The following IKZF2 variants were observed in gnomAD, a reference collection of about 807,000 sequenced individuals.
The protein encoded by IKZF2 is IKAROS family zinc finger 2.
Under a neutral mutation model 49.2 loss-of-function variants are expected in IKZF2, and 15 were observed. The ratio of observed to expected loss-of-function variants is 0.30; its 90% CI spans 0.20 to 0.47. IKZF2 has a LOEUF of 0.47. Among genes scored for constraint, IKZF2 ranks in the 20% least tolerant of loss-of-function variants. The pLI is 1.00. For missense variants in IKZF2, 567 were observed against 664.6 expected, an observed-to-expected ratio of 0.85 and a Z score of 1.61; for synonymous variants, 227 against 221.4, an observed-to-expected ratio of 1.03 and a Z score of -0.23.
chr2:213,044,100 G>A lies in IKZF2; in HGVS notation c.574+5613C>T, dbSNP rs962334228. On this transcript the variant is annotated intron_variant, in intron 6 of 8. Transcript: ENST00000434687. ...AGGCACCAGTAAGAGACTGAAGGGT[G>A]GAAAGAGTGAGGTCAGGGTGTTTAT... Among the ~76,000 whole-genome samples the A allele has an allele frequency of 2.6e-5, 4 of 152,254 alleles. No homozygotes were observed. In the South Asian group the frequency reaches 8.3e-4, roughly 32 times the overall value.
At chr2:213,023,252 G>A (rs1472768897) in intron 6 of IKZF2, among the ~76,000 whole-genome samples, 1 of 152,118 alleles carries the variant, frequency 6.6e-6, no homozygotes, top group African/African-American at 2.4e-5. Context: ...CTATGACACT[G>A]GTCACAAGAG....
chr2:213,132,391 C>G (rs1486451194), intron 4 of IKZF2, among the ~76,000 whole-genome samples: 1 of 151,726 alleles, frequency 6.6e-6, no homozygotes, highest in Non-Finnish European at 1.5e-5. Context: ...AACTCTGACC[C>G]AAAAAAGGTG....
chr2:213,052,694 T>G (rs537065901), intron 5 of IKZF2, among the ~76,000 whole-genome samples: 3 of 152,176 alleles, frequency 2.0e-5, no homozygotes, highest in Admixed American at 2.0e-4. Flanking sequence ...ATAGTTATAT[T>G]CCAGGAATAA....
intron 8 of IKZF2, 82 bp from the exon 9 acceptor site, chr2:213,008,166 G>T (rs1695557374): frequency 2.8e-6 from 4 of 1,419,388 alleles, no homozygotes; most frequent in Non-Finnish European, 3.7e-6. Context: ...ATATGAAAGG[G>T]TACGAAGTTG....
chr2:213,096,059 C>G (rs1705941095), intron 4 of IKZF2, among the ~76,000 whole-genome samples: 1 of 151,756 alleles, frequency 6.6e-6, no homozygotes, highest in African/African-American at 2.4e-5. Flanking sequence ...CCAAAAGAGC[C>G]TAGAAGAGGT....
chr2:213,002,584 T>A lies in IKZF2; in HGVS notation c.*4776A>T, dbSNP rs1695000884. The stretch of plus-strand genomic sequence containing the variant: ...CTCATTTTTTTAAAAAGCTGTCATA[T>A]CCTAACACACCCATTGCAAGTAATA... On this transcript the variant is annotated 3_prime_UTR_variant, in exon 9 of 9. Coordinates refer to ENST00000434687, the MANE Select transcript of IKZF2 (RefSeq NM_001387220.1). 1 of 151,892 alleles carries A rather than the reference T, an allele frequency of 6.6e-6. No individual in the cohort carries two copies. Among genetic ancestry groups the A allele is most frequent in the Non-Finnish European group, 1.5e-5 (1 of 67,580 alleles). The allele number at this position is 151,892 out of a possible 1,614,324, so 9.4% of individuals were successfully genotyped here. A position where few individuals can be genotyped will look rare whatever the true frequency, so the allele number is the denominator to read the frequency against.
At chr2:213,082,104 T>A (rs1479314904) in intron 4 of IKZF2, among the ~76,000 whole-genome samples, 2 of 152,194 alleles carry the variant, frequency 1.3e-5, no homozygotes, top group Non-Finnish European at 2.9e-5. Flanking sequence ...AGTGATGAAA[T>A]ATCTAGGATT....
At chr2:213,052,954 A>G (rs1400276170) in intron 5 of IKZF2, among the ~76,000 whole-genome samples, 1 of 152,160 alleles carries the variant, frequency 6.6e-6, no homozygotes, top group East Asian at 1.9e-4. Context: ...TGAAACTTTA[A>G]AACAACATAT....
chr2:213,106,828 T>C (rs1036470724), intron 4 of IKZF2, among the ~76,000 whole-genome samples: 5 of 152,086 alleles, frequency 3.3e-5, no homozygotes, highest in African/African-American at 1.2e-4. Context: ...CATTAAGTAA[T>C]ACATATATTT....
In IKZF2 at chr2:213,007,318, C is replaced by T; in HGVS notation, c.*42G>A. ...TGTAAGTGCAGTATTTCTTCATGTG[C>T]AGTTCTTTACTTCATAGGGGTCCCC... On this transcript the variant is annotated 3_prime_UTR_variant, in exon 9 of 9. Coordinates refer to ENST00000434687, the MANE Select transcript of IKZF2 (RefSeq NM_001387220.1). The T allele has an allele frequency of 3.8e-6, 6 of 1,575,678 alleles. No homozygotes were observed. The highest frequency in any genetic ancestry group is 4.3e-6 in the Non-Finnish European group (5 of 1,161,140).
chr2:213,087,228 T>C (rs940559709), intron 4 of IKZF2, among the ~76,000 whole-genome samples: 2 of 152,170 alleles, frequency 1.3e-5, no homozygotes, highest in Non-Finnish European at 2.9e-5. Flanking sequence ...CCTGTTGCTG[T>C]ATTTGACTCA....
rs1334605706 is a variant in IKZF2, at chr2:213,057,595, T to A, written c.140-496A>T. On this transcript the variant is annotated intron_variant, in intron 4 of 8. Transcript: ENST00000434687. ...ACAGGGCAAGAGAAACAATTCAGGA[T>A]CTTAATCCAGCAAATGTCTTTGACA... is the stretch of plus-strand genomic sequence containing the variant. Among the ~76,000 whole-genome samples, 5 of 152,234 alleles carry A rather than the reference T, an allele frequency of 3.3e-5. No individual in the cohort carries two copies. In the East Asian group the frequency reaches 5.8e-4, roughly 18 times the overall value.
At chr2:213,030,471 C>G (rs1698288131) in intron 6 of IKZF2, among the ~76,000 whole-genome samples, 1 of 151,990 alleles carries the variant, frequency 6.6e-6, no homozygotes, top group African/African-American at 2.4e-5. Context: ...ACTTTTATCT[C>G]TCTAAGGACA....
At chr2:213,149,560 T>C (rs910020901) in intron 2 of IKZF2, among the ~76,000 whole-genome samples, 1 of 152,162 alleles carries the variant, frequency 6.6e-6, no homozygotes, top group Non-Finnish European at 1.5e-5. Flanking sequence ...TTTTCCCCCT[T>C]TGGCCTTGGT....
At chr2:213,149,551 T>C (rs1559337239) in intron 2 of IKZF2, among the ~76,000 whole-genome samples, 2 of 152,156 alleles carry the variant, frequency 1.3e-5, no homozygotes. Context: ...TTTACTTTTT[T>C]TTCCCCCTTT....
intron 4 of IKZF2, among the ~76,000 whole-genome samples, chr2:213,091,332 T>G (rs934674735): frequency 1.1e-4 from 16 of 152,154 alleles, no homozygotes; most frequent in African/African-American, 3.9e-4. Flanking sequence ...TGAAGAAAGC[T>G]CTCATAATGT....
At chr2:213,112,069 T>C (rs1265612019) in intron 4 of IKZF2, among the ~76,000 whole-genome samples, 4 of 152,100 alleles carry the variant, frequency 2.6e-5, no homozygotes, top group African/African-American at 9.6e-5. Context: ...AGGAGAACTT[T>C]AGGTTGAGGA....
At chr2:213,150,451 A>ACCC (rs1331682324) in intron 1 of IKZF2, 6 of 133,720 alleles carry the variant, frequency 4.5e-5, no homozygotes, top group African/African-American at 9.3e-5. Context: ...AGAGAAGAAC[A>ACCC]CCCCCCTCCT....
chr2:213,138,579 T>A (rs2060758258), intron 4 of IKZF2, among the ~76,000 whole-genome samples: 1 of 151,890 alleles, frequency 6.6e-6, no homozygotes, highest in Admixed American at 6.6e-5. Context: ...TTTACAGGGC[T>A]CCTACAATGC....
Sources: allele counts gnomAD v4.1 joint callset (sites outside exome capture counted in the v4.1 genomes callset), GRCh38; gene constraint gnomAD v4.1.1; transcripts MANE v1.5; gene names NCBI Gene and HGNC (gene_info 2026-07-23, HGNC 2026-07-21).